Variants in EGFLAM observed in about 807,000 individuals in gnomAD.
The protein encoded by EGFLAM is EGF like, fibronectin type III and laminin G domains.
Under a neutral mutation model 113.1 loss-of-function variants are expected in EGFLAM, and 79 were observed. The ratio of observed to expected loss-of-function variants is 0.70; its 90% confidence interval spans 0.58 to 0.84. The LOEUF (loss-of-function observed/expected upper bound fraction) is 0.84. EGFLAM is among the 40% of genes least tolerant of loss of function. EGFLAM has a pLI of 0.00. For missense variants in EGFLAM, 1,265 were observed against 1,291.6 expected, an observed-to-expected ratio of 0.98 and a Z score of 0.32; for synonymous variants, 504 against 487.6, an observed-to-expected ratio of 1.03 and a Z score of -0.44.
At chr5:38,322,667 C>T (rs924060626) in intron 1 of EGFLAM, among the ~76,000 whole-genome samples, 1 of 152,136 alleles carries the variant, frequency 6.6e-6, no homozygotes, top group Non-Finnish European at 1.5e-5. Context: ...TGGAATTACA[C>T]TTGGGAATGA....
chr5:38,361,463 C>T (rs1477780768), intron 5 of EGFLAM, among the ~76,000 whole-genome samples: 2 of 152,146 alleles, frequency 1.3e-5, no homozygotes, highest in Admixed American at 6.5e-5. Flanking sequence ...GTGAACACAC[C>T]ACATGTCAAA....
intron 3 of EGFLAM, among the ~76,000 whole-genome samples, chr5:38,339,581 C>T (rs992028029): frequency 8.5e-5 from 13 of 152,206 alleles, no homozygotes; most frequent in African/African-American, 3.1e-4. Flanking sequence ...TGGCAGCCAC[C>T]ACCCTCTGTT....
intron 1 of EGFLAM, among the ~76,000 whole-genome samples, chr5:38,305,866 A>T (rs950451717): frequency 1.2e-4 from 18 of 152,210 alleles, no homozygotes; most frequent in African/African-American, 3.6e-4. Context: ...TAGGACAGAC[A>T]TTCATTAGGT....
At chr5:38,329,606 AC>A (rs1361789023) in intron 1 of EGFLAM, among the ~76,000 whole-genome samples, 2 of 151,188 alleles carry the variant, frequency 1.3e-5, no homozygotes, top group African/African-American at 4.9e-5. Context: ...GTCTTTCACT[AC>A]CCCCATCCAC....
chr5:38,281,668 G>C (rs1337126761), intron 1 of EGFLAM, among the ~76,000 whole-genome samples: 1 of 152,150 alleles, frequency 6.6e-6, no homozygotes, highest in Non-Finnish European at 1.5e-5. Flanking sequence ...GGACTGATAG[G>C]TATTTGAATC....
At chr5:38,359,886 C>T (rs1014570760) in intron 5 of EGFLAM, among the ~76,000 whole-genome samples, 50 of 152,134 alleles carry the variant, frequency 3.3e-4, no homozygotes, top group African/African-American at 1.2e-3. Flanking sequence ...TGGCAGATGC[C>T]TTCCATAATA....
At chr5:38,288,330 T>C (rs572723579) in intron 1 of EGFLAM, among the ~76,000 whole-genome samples, 3 of 152,130 alleles carry the variant, frequency 2.0e-5, no homozygotes, top group Non-Finnish European at 4.4e-5. Flanking sequence ...ACTTTTGGGG[T>C]TATGAAAGAA....
chr5:38,333,947 G>A (rs1219567920), intron 1 of EGFLAM, among the ~76,000 whole-genome samples: 1 of 91,852 alleles, frequency 1.1e-5, no homozygotes, highest in Non-Finnish European at 2.0e-5. Flanking sequence ...TTTTGAGATG[G>A]AGTTTTGCTC....
chr5:38,320,133 A>C (rs913268215), intron 1 of EGFLAM, among the ~76,000 whole-genome samples: 1 of 152,218 alleles, frequency 6.6e-6, no homozygotes, highest in East Asian at 1.9e-4. Flanking sequence ...GGACTCAATA[A>C]ATCGAGGTCT....
intron 1 of EGFLAM, among the ~76,000 whole-genome samples, chr5:38,330,077 G>A (rs2111922221): frequency 6.6e-6 from 1 of 152,254 alleles, no homozygotes; most frequent in Non-Finnish European, 1.5e-5. Flanking sequence ...GGTGCCAAGA[G>A]GTCATGGATA....
chr5:38,390,402 G>C (rs2112085659), intron 6 of EGFLAM, among the ~76,000 whole-genome samples: 1 of 152,280 alleles, frequency 6.6e-6, no homozygotes, highest in South Asian at 2.1e-4. Context: ...GTATACTGTA[G>C]TTGGACATTT....
At chr5:38,441,889 C>T (rs1403715471) in intron 17 of EGFLAM, among the ~76,000 whole-genome samples, 3 of 152,136 alleles carry the variant, frequency 2.0e-5, no homozygotes, top group Non-Finnish European at 4.4e-5. Flanking sequence ...GTGCAGGATT[C>T]CACAGGCCAC....
chr5:38,340,854 TGGGGGGTGG>T (rs1739317110), intron 3 of EGFLAM, among the ~76,000 whole-genome samples: 1 of 12,302 alleles, frequency 8.1e-5, no homozygotes, highest in African/African-American at 7.1e-4. Flanking sequence ...TTTGGGGGGG[TGGGGGGTGG>T]GGGGTGGGGA....
intron 21 of EGFLAM, 95 bp downstream of exon 21, chr5:38,463,106 CA>C: frequency 8.4e-7 from 1 of 1,190,402 alleles, no homozygotes; most frequent in Non-Finnish European, 1.2e-6. Context: ...TTTGCTGGAT[CA>C]AATACCTGTA....
chr5:38,390,369 T>C (rs1740778715), intron 6 of EGFLAM, among the ~76,000 whole-genome samples: 1 of 152,358 alleles, frequency 6.6e-6, no homozygotes, highest in East Asian at 1.9e-4. Flanking sequence ...AGTGTTAGTG[T>C]TGTATAACAT....
chr5:38,344,413 G>A (rs1253669272), intron 3 of EGFLAM, among the ~76,000 whole-genome samples: 4 of 151,892 alleles, frequency 2.6e-5, no homozygotes, highest in African/African-American at 9.7e-5. Flanking sequence ...TTGAACCTGG[G>A]AGGCAGTTGC....
chr5:38,346,350 T>C (rs1739471976), intron 3 of EGFLAM: 1 of 152,224 alleles, frequency 6.6e-6, no homozygotes, highest in South Asian at 2.1e-4. Context: ...GTACATGTAC[T>C]GGCCAATTAG....
chr5:38,377,524 A>C (rs1357099001), intron 6 of EGFLAM, among the ~76,000 whole-genome samples: 2 of 152,158 alleles, frequency 1.3e-5, no homozygotes, highest in African/African-American at 4.8e-5. Context: ...AGTGAATGTG[A>C]CTTAACAAGC....
chr5:38,385,519 G>C (rs1408429767), intron 6 of EGFLAM, among the ~76,000 whole-genome samples: 1 of 152,050 alleles, frequency 6.6e-6, no homozygotes, highest in Non-Finnish European at 1.5e-5. Flanking sequence ...GTTTAGTATA[G>C]ACATAACCAT....
Sources: gnomAD v4.1 joint callset for allele counts (sites outside exome capture counted in the v4.1 genomes callset) on GRCh38, gnomAD v4.1.1 for gene constraint, MANE v1.5 for transcripts, NCBI Gene and HGNC (gene_info 2026-07-23, HGNC 2026-07-21) for gene names.